The following ETV6 variants were observed in gnomAD, a reference collection of about 807,000 sequenced individuals.
ETV6 encodes the protein ETS variant transcription factor 6.
Under a neutral mutation model 51.1 loss-of-function variants are expected in ETV6, and 16 were observed. The ratio of observed to expected loss-of-function variants is 0.31; its 90% CI spans 0.21 to 0.48. The LOEUF is 0.48. Ranked by LOEUF, ETV6 falls within the 20% of genes least tolerant of loss-of-function variation. The pLI, the probability that ETV6 is intolerant of heterozygous loss-of-function variation, is 0.99. For missense variants in ETV6, 458 were observed against 594.8 expected, an observed-to-expected ratio of 0.77 and a Z score of 2.39; for synonymous variants, 240 against 224.1, an observed-to-expected ratio of 1.07 and a Z score of -0.64.
intron 1 of ETV6, among the ~76,000 whole-genome samples, chr12:11,752,138 AT>A (rs765400999): frequency 6.6e-6 from 1 of 151,890 alleles, no homozygotes; most frequent in African/African-American, 2.4e-5. Context: ...TCGCGGACGT[AT>A]TTTTTTTGTT....
intron 2 of ETV6, among the ~76,000 whole-genome samples, chr12:11,790,295 T>C (rs1028571528): frequency 6.6e-6 from 1 of 152,170 alleles, no homozygotes; most frequent in Non-Finnish European, 1.5e-5. Context: ...TTTTGCTGTC[T>C]GCCTTCTATA....
At chr12:11,746,819 C>T (rs1156524853) in intron 1 of ETV6, among the ~76,000 whole-genome samples, 1 of 130,012 alleles carries the variant, frequency 7.7e-6, no homozygotes, top group Non-Finnish European at 1.6e-5. Flanking sequence ...TTTTTAATCT[C>T]ACTATGCAAA....
chr12:11,868,993 T>C (rs904512640), intron 4 of ETV6, among the ~76,000 whole-genome samples: 2 of 151,992 alleles, frequency 1.3e-5, no homozygotes, highest in Non-Finnish European at 2.9e-5. Context: ...TCCCAGCACT[T>C]TGGGAGGCTG....
In ETV6 at chr12:11,838,993, G is replaced by A. The variant is rs1946352831; in HGVS notation, c.164-147G>A. The A allele has an allele frequency of 5.0e-5, 42 of 833,678 alleles. 1 individual carries two copies. In the South Asian group the frequency reaches 9.1e-4, roughly 18 times the overall value. 51.6% of individuals were successfully genotyped at this position (833,678 alleles called of 1,614,324 possible). A position where few individuals can be genotyped will look rare whatever the true frequency, so the allele number is the denominator to read the frequency against. On this transcript the variant is annotated intron_variant, in intron 2 of 7. Transcript: ENST00000396373. The stretch of plus-strand genomic sequence containing the variant: ...CAGTGGGGCGGCTCAAACAAGGGCT[G>A]GAGAGGGGACTCAGAGTTGAACATA...
chr12:11,745,680 T>C (rs1185601201), intron 1 of ETV6, among the ~76,000 whole-genome samples: 1 of 152,046 alleles, frequency 6.6e-6, no homozygotes, highest in Non-Finnish European at 1.5e-5. Context: ...AGGCACCAAA[T>C]AGATGTTGGC....
At chr12:11,676,313 T>C (rs141610171) in intron 1 of ETV6, among the ~76,000 whole-genome samples, 1 of 152,324 alleles carries the variant, frequency 6.6e-6, no homozygotes, top group Non-Finnish European at 1.5e-5. Context: ...TCATCCACTC[T>C]GCCTCTCCCT....
In ETV6 at chr12:11,885,933, C is replaced by T. The variant is rs1414711241; in HGVS notation, c.1160C>T (p.Thr387Ile). ...ARLWGNHKNR[T>I]NMTYEKMSRA... ...CCTCCTTTGAACAAACAGAACAGAA[C>T]AAACATGACCTATGAGAAAATGTCC... The change falls in exon 7 of 8, where the codon ACA becomes ATA. Residue 387 changes from threonine to isoleucine, a missense_variant. By Grantham distance (89) the Thr-to-Ile change is moderately conservative. Coordinates refer to ENST00000396373, the MANE Select transcript of ETV6 (RefSeq NM_001987.5). 6.2e-7 allele frequency: 1 copy of T among 1,612,492 alleles called. No individual in the cohort carries two copies. Among genetic ancestry groups the T allele is most frequent in the Non-Finnish European group, 8.5e-7 (1 of 1,178,682 alleles).
At chr12:11,685,498 A>T (rs560038710) in intron 1 of ETV6, among the ~76,000 whole-genome samples, 337 of 152,222 alleles carry the variant, frequency 2.2e-3, no homozygotes, top group African/African-American at 7.6e-3. Flanking sequence ...TCTGGGTAAA[A>T]TAAAAGTGAC....
intron 1 of ETV6, among the ~76,000 whole-genome samples, chr12:11,663,397 G>A (rs990783394): frequency 1.3e-5 from 2 of 152,130 alleles, no homozygotes; most frequent in African/African-American, 2.4e-5. Context: ...CTTGGGCACC[G>A]TCCTGCATTT....
chr12:11,771,852 A>G (rs1042068952), intron 2 of ETV6, among the ~76,000 whole-genome samples: 10 of 152,340 alleles, frequency 6.6e-5, no homozygotes, highest in African/African-American at 2.2e-4. Context: ...ACTATATTGC[A>G]GTGGAGCAAG....
chr12:11,755,261 G>A lies in ETV6; in HGVS notation c.163+2682G>A, dbSNP rs1226710010. Among the ~76,000 whole-genome samples the A allele has an allele frequency of 2.0e-5, 3 of 152,228 alleles. No individual in the cohort carries two copies. In the East Asian group the frequency reaches 5.8e-4, roughly 29 times the overall value. The stretch of plus-strand genomic sequence containing the variant: ...GGATGGATGGGTCCCCACGTAGACA[G>A]CTATAAAATATAGAACTGCAGCACA... On this transcript the variant is annotated intron_variant, in intron 2 of 7. Transcript: ENST00000396373.
intron 1 of ETV6, among the ~76,000 whole-genome samples, chr12:11,662,006 C>T (rs963472306): frequency 2.0e-5 from 3 of 152,166 alleles, no homozygotes; most frequent in Admixed American, 6.5e-5. Context: ...CTTTAACTTT[C>T]GCCGAGACAG....
intron 7 of ETV6, among the ~76,000 whole-genome samples, chr12:11,886,903 C>T (rs967527517): frequency 6.6e-6 from 1 of 152,066 alleles, no homozygotes; most frequent in Non-Finnish European, 1.5e-5. Context: ...TGAGTTTTGG[C>T]AGGTGGGCCA....
chr12:11,798,628 A>C (rs772964983), intron 2 of ETV6, among the ~76,000 whole-genome samples: 5 of 152,212 alleles, frequency 3.3e-5, no homozygotes, highest in Non-Finnish European at 5.9e-5. Flanking sequence ...GAAACAGCAG[A>C]AAAAATGTAA....
chr12:11,808,899 C>A (rs1945869883), intron 2 of ETV6, among the ~76,000 whole-genome samples: 1 of 152,142 alleles, frequency 6.6e-6, no homozygotes, highest in African/African-American at 2.4e-5. Context: ...TGTGGTGGCT[C>A]ACACCTGTAA....
chr12:11,744,992 G>A (rs1302990483), intron 1 of ETV6, among the ~76,000 whole-genome samples: 1 of 151,964 alleles, frequency 6.6e-6, no homozygotes, highest in Non-Finnish European at 1.5e-5. Context: ...GAACAATAAA[G>A]AAGTCGATTT....
chr12:11,788,569 G>A (rs1272149890), intron 2 of ETV6, among the ~76,000 whole-genome samples: 2 of 152,116 alleles, frequency 1.3e-5, no homozygotes, highest in Non-Finnish European at 2.9e-5. Flanking sequence ...ATACTATGAT[G>A]TGTGGAGTTT....
At chr12:11,717,546 A>G (rs1251864029) in intron 1 of ETV6, among the ~76,000 whole-genome samples, 1 of 152,344 alleles carries the variant, frequency 6.6e-6, no homozygotes, top group African/African-American at 2.4e-5. Context: ...GTGTGTGCAT[A>G]AGGAACATCC....
chr12:11,879,568 C>T (rs1329216321), intron 5 of ETV6, among the ~76,000 whole-genome samples: 1 of 152,146 alleles, frequency 6.6e-6, no homozygotes, highest in African/African-American at 2.4e-5. Flanking sequence ...CTGCGGATAC[C>T]GAGGGTACCT....
Sources: gnomAD v4.1 joint callset for allele counts (sites outside exome capture counted in the v4.1 genomes callset) on GRCh38, gnomAD v4.1.1 for gene constraint, MANE v1.5 for transcripts, NCBI Gene and HGNC (gene_info 2026-07-23, HGNC 2026-07-21) for gene names.